The following AMD1 variants were observed in gnomAD, a reference collection of about 807,000 sequenced individuals.
AMD1 encodes the protein adenosylmethionine decarboxylase 1.
AMD1 carries 11 observed loss-of-function variants against 40.2 expected under a neutral mutation model. That is an observed-to-expected ratio of 0.27 (90% CI 0.17 to 0.45). The LOEUF (loss-of-function observed/expected upper bound fraction) is 0.45, where lower values mean the gene tolerates loss of function less well. AMD1 is among the 20% of genes least tolerant of loss of function. The pLI is 1.00. For synonymous variants in AMD1, 121 were observed against 130.8 expected, an observed-to-expected ratio of 0.93 and a Z score of 0.51; for missense variants, 257 against 410.2, an observed-to-expected ratio of 0.63 and a Z score of 3.23.
the AMD1 span, among the ~76,000 whole-genome samples, chr6:110,859,666 G>T: frequency 2.0e-5 from 3 of 152,174 alleles, no homozygotes; most frequent in African/African-American, 7.2e-5. Context: ...AATATCTCAG[G>T]CTCCCAAGTG....
chr6:110,823,464 T>C, the AMD1 span, among the ~76,000 whole-genome samples: 1 of 152,208 alleles, frequency 6.6e-6, no homozygotes, highest in Admixed American at 6.5e-5. Context: ...TATGATTGTA[T>C]ACCTAGAAAA....
At chr6:110,866,531 G>A in the AMD1 span, among the ~76,000 whole-genome samples, 2 of 152,188 alleles carry the variant, frequency 1.3e-5, no homozygotes, top group Non-Finnish European at 2.9e-5. Flanking sequence ...TGTGGAAGTA[G>A]GGAAAATAAT....
chr6:110,847,063 G>GGT, the AMD1 span, among the ~76,000 whole-genome samples: 5,253 of 143,226 alleles, frequency 0.037, 125 homozygotes, highest in South Asian at 0.062. Context: ...GTGTGTGTGT[G>GGT]GTGTGTGTGT....
At chr6:110,844,976 G>GGA in the AMD1 span, among the ~76,000 whole-genome samples, 1 of 150,030 alleles carries the variant, frequency 6.7e-6, no homozygotes, top group Non-Finnish European at 1.5e-5. Flanking sequence ...CAAATCACAT[G>GGA]GAGAGAGAGA....
At chr6:110,853,029 A>C in the AMD1 span, among the ~76,000 whole-genome samples, 1 of 142,366 alleles carries the variant, frequency 7.0e-6, no homozygotes, top group African/African-American at 2.6e-5. Context: ...CTTTATTGCA[A>C]TATTCATTTT....
At chr6:110,860,876 G>C in the AMD1 span, among the ~76,000 whole-genome samples, 7 of 151,146 alleles carry the variant, frequency 4.6e-5, no homozygotes, top group African/African-American at 9.8e-5. Flanking sequence ...CACACAGAGA[G>C]AGAGAACAAT....
At chr6:110,837,729 AAAAAAAAAAAAAAAAAATAT>A in the AMD1 span, among the ~76,000 whole-genome samples, 3 of 106,086 alleles carry the variant, frequency 2.8e-5, no homozygotes, top group African/African-American at 1.2e-4. Flanking sequence ...AAAAAAAAAA[AAAAAAAAAAAAAAAAAATAT>A]ATATATATAT....
chr6:110,862,166 A>G, the AMD1 span, among the ~76,000 whole-genome samples: 40,586 of 150,912 alleles, frequency 0.27, 5,986 homozygotes, highest in East Asian at 0.66. Context: ...GTGCCACCAT[A>G]CTTCGCTAAT....
the AMD1 span, among the ~76,000 whole-genome samples, chr6:110,819,176 G>A: frequency 7.9e-5 from 12 of 152,216 alleles, no homozygotes; most frequent in African/African-American, 2.6e-4. Context: ...TAATCAACAC[G>A]GAGAAACCCC....
the AMD1 span, among the ~76,000 whole-genome samples, chr6:110,824,915 T>C: frequency 6.6e-6 from 1 of 152,164 alleles, no homozygotes; most frequent in Non-Finnish European, 1.5e-5. Context: ...TTTACCTATA[T>C]GAAAACTGAG....
the AMD1 span, among the ~76,000 whole-genome samples, chr6:110,831,109 G>T: frequency 6.6e-6 from 1 of 151,818 alleles, no homozygotes; most frequent in Non-Finnish European, 1.5e-5. Context: ...ACTCAATTTT[G>T]CAACTCTTTT....
At chr6:110,863,660 G>A in the AMD1 span, among the ~76,000 whole-genome samples, 7 of 151,476 alleles carry the variant, frequency 4.6e-5, no homozygotes, top group Non-Finnish European at 8.9e-5. Context: ...ATGAGCCACC[G>A]CGCCCGGCCT....
At chr6:110,823,696 G>T in the AMD1 span, among the ~76,000 whole-genome samples, 1 of 152,144 alleles carries the variant, frequency 6.6e-6, no homozygotes, top group African/African-American at 2.4e-5. Flanking sequence ...AGAACTCAAT[G>T]CCTAAACTAA....
the AMD1 span, among the ~76,000 whole-genome samples, chr6:110,826,272 A>C: frequency 1.2e-3 from 97 of 79,376 alleles, 1 homozygote; most frequent in South Asian, 0.062. Context: ...ACACCATCCC[A>C]AAAAAAAAAA....
the AMD1 span, among the ~76,000 whole-genome samples, chr6:110,821,856 A>C: frequency 6.6e-6 from 1 of 152,226 alleles, no homozygotes; most frequent in Non-Finnish European, 1.5e-5. Flanking sequence ...AAATGCCTAC[A>C]TCAAAAAGTC....
At chr6:110,828,539 G>A in the AMD1 span, among the ~76,000 whole-genome samples, 1 of 152,208 alleles carries the variant, frequency 6.6e-6, no homozygotes, top group Non-Finnish European at 1.5e-5. Flanking sequence ...GGAAAGGTGG[G>A]TGTGCCCAGC....
At chr6:110,816,192 T>A in the AMD1 span, among the ~76,000 whole-genome samples, 1 of 152,230 alleles carries the variant, frequency 6.6e-6, no homozygotes, top group Non-Finnish European at 1.5e-5. Context: ...CAGCTTTCTC[T>A]TAGCATATGC....
the AMD1 span, among the ~76,000 whole-genome samples, chr6:110,844,392 A>G: frequency 4.0e-5 from 6 of 151,530 alleles, no homozygotes; most frequent in Admixed American, 4.0e-4. Context: ...TCCTGACCTC[A>G]GGTGATCCTC....
the AMD1 span, among the ~76,000 whole-genome samples, chr6:110,832,001 G>A: frequency 6.7e-6 from 1 of 148,188 alleles, no homozygotes; most frequent in African/African-American, 2.5e-5. Flanking sequence ...AAGCCACTAT[G>A]CCTGGCTAAT....
Sources: gnomAD v4.1 joint callset for allele counts (sites outside exome capture counted in the v4.1 genomes callset) on GRCh38, gnomAD v4.1.1 for gene constraint, MANE v1.5 for transcripts, NCBI Gene and HGNC (gene_info 2026-07-23, HGNC 2026-07-21) for gene names.